Variants in U2AF2 observed in about 807,000 individuals in gnomAD.
U2AF2 encodes the protein splicing factor U2AF 65 kDa subunit.
A neutral mutation model predicts 52.6 loss-of-function variants in U2AF2; 6 were observed. That is an observed-to-expected ratio of 0.11 (90% CI 0.06 to 0.23). The LOEUF (loss-of-function observed/expected upper bound fraction) is 0.23, where lower values mean the gene tolerates loss of function less well. U2AF2 is among the 10% of genes least tolerant of loss of function. The pLI, the probability that U2AF2 is intolerant of heterozygous loss-of-function variation, is 1.00. For synonymous variants in U2AF2, 284 were observed against 258.2 expected (o/e 1.10, Z -0.96); for missense variants, 222 against 677.1 (o/e 0.33, Z 7.46).
In U2AF2 at chr19:55,669,800, C is replaced by A. The variant is rs114185454; in HGVS notation, c.1293+108C>A. The A allele has an allele frequency of 3.4e-3, 4,791 of 1,427,002 alleles. 89 individuals carry two copies. In the African/African-American group the frequency reaches 0.046, roughly 14 times the overall value. The allele number at this position is 1,427,002 out of a possible 1,614,324, so 88.4% of individuals were successfully genotyped here. A position where few individuals can be genotyped will look rare whatever the true frequency, so the allele number is the denominator to read the frequency against. ...CACCCTCTCCCCCTCCTCTTCTCCG[C>A]GCGCTCTTTCTTCCTCTCTCTCTCC... On this transcript the variant is annotated intron_variant, in intron 11 of 11. Coordinates refer to ENST00000308924, the MANE Select transcript of U2AF2 (RefSeq NM_007279.3).
chr19:55,667,824 T>A (rs1231193552), intron 7 of U2AF2, among the ~76,000 whole-genome samples: 1 of 151,592 alleles, frequency 6.6e-6, no homozygotes, highest in Non-Finnish European at 1.5e-5. Flanking sequence ...CTCACTCTGT[T>A]GCTCAGGCTG....
intron 6 of U2AF2, among the ~76,000 whole-genome samples, chr19:55,662,878 C>T (rs1042119212): frequency 1.3e-5 from 2 of 152,128 alleles, no homozygotes; most frequent in Non-Finnish European, 2.9e-5. Context: ...CCATTCCGGC[C>T]CAGTCCTCTC....
chr19:55,668,885 G>A lies in U2AF2; in HGVS notation c.945+93G>A, dbSNP rs933397385. ...GTCTCCCCTCCTCAGGGGACGGGGC[G>A]GGAGGCGGCCAACCTGAGGCAGTGC... On this transcript the variant is annotated intron_variant, in intron 9 of 11. Coordinates refer to ENST00000308924, the MANE Select transcript of U2AF2 (RefSeq NM_007279.3). The surrounding 1 kb of genome is among the most constrained non-coding windows in gnomAD (Gnocchi z 5.5). 6.5e-6 allele frequency: 10 copies of A among 1,544,860 alleles called. No homozygotes were observed. The highest frequency in any genetic ancestry group is 1.2e-5 in the South Asian group (1 of 82,238).
intron 1 of U2AF2, among the ~76,000 whole-genome samples, chr19:55,655,502 G>C (rs1568546557): frequency 1.3e-5 from 2 of 152,268 alleles, no homozygotes; most frequent in African/African-American, 4.8e-5. Context: ...CTGAAAAGGA[G>C]ATTATGTTAG....
intron 1 of U2AF2, among the ~76,000 whole-genome samples, chr19:55,658,698 G>C (rs1049933842): frequency 6.6e-6 from 1 of 152,168 alleles, no homozygotes; most frequent in African/African-American, 2.4e-5. Flanking sequence ...GCTTGGGAAG[G>C]GATGGGTTGA....
chr19:55,661,487 G>C (rs975614383), intron 5 of U2AF2, among the ~76,000 whole-genome samples: 1 of 136,726 alleles, frequency 7.3e-6, no homozygotes, highest in African/African-American at 2.7e-5. Flanking sequence ...GAGAGACAGA[G>C]AGGGAGACTT....
chr19:55,663,888 C>T, intron 7 of U2AF2, 144 bp downstream of exon 7: 2 of 1,239,492 alleles, frequency 1.6e-6, no homozygotes, highest in South Asian at 3.1e-5. Flanking sequence ...TCCCCTAAGT[C>T]TCTGTGAGTG....
chr19:55,660,498 C>CCCG lies in U2AF2; in HGVS notation c.231-16_231-15insGCC. 3 of 863,398 alleles carry CCCG rather than the reference C, an allele frequency of 3.5e-6. No homozygotes were observed. The highest frequency in any genetic ancestry group is 5.7e-6 in the Non-Finnish European group (3 of 522,678). The allele number at this position is 863,398 out of a possible 1,614,324, so 53.5% of individuals were successfully genotyped here. A position where few individuals can be genotyped will look rare whatever the true frequency, so the allele number is the denominator to read the frequency against. ...ACTGAGGTTGCCCTGCCCCGCTCTCCCCTCCCACCTCCCCCAGTCGTTCCC... is the reference window on the plus strand; with the variant it reads ...ACTGAGGTTGCCCTGCCCCGCTCTCCCCGCCTCCCACCTCCCCCAGTCGTTCCC... On this transcript the variant is annotated splice_polypyrimidine_tract_variant and intron_variant, in intron 3 of 11. Coordinates refer to ENST00000308924, the MANE Select transcript of U2AF2 (RefSeq NM_007279.3).
intron 7 of U2AF2, among the ~76,000 whole-genome samples, chr19:55,666,122 C>T (rs980515949): frequency 6.6e-6 from 1 of 152,194 alleles, no homozygotes; most frequent in African/African-American, 2.4e-5. Context: ...ATGGGGTGCT[C>T]TGGCAGGGGC....
chr19:55,663,977 C>T (rs997579310), intron 7 of U2AF2: 7 of 547,572 alleles, frequency 1.3e-5, no homozygotes, highest in African/African-American at 3.8e-5. Flanking sequence ...ACAGCTTGTA[C>T]GTGGCAGAGC....
At position 55,669,584 on chromosome 19, in the gene U2AF2, T is replaced by C. The variant is rs372725483; in HGVS notation, c.1185T>C (p.Tyr395=). ...AGGAGCTGCTGGACGACGAGGAGTATGAGGAGATCGTGGAGGACGTGCGGG... is the reference window on the plus strand; with the variant it reads ...AGGAGCTGCTGGACGACGAGGAGTACGAGGAGATCGTGGAGGACGTGCGGG... The part of the protein sequence containing the change: ...LPEELLDDEE[Y]EEIVEDVRDE... The change falls in exon 11 of 12, where the codon TAT becomes TAC. Residue 395 remains tyrosine, a synonymous_variant. Coordinates refer to ENST00000308924, the MANE Select transcript of U2AF2 (RefSeq NM_007279.3). 81 of 1,613,748 alleles carry C rather than the reference T, an allele frequency of 5.0e-5. No homozygotes were observed. The highest frequency in any genetic ancestry group is 6.8e-5 in the Non-Finnish European group (80 of 1,179,908).
intron 7 of U2AF2, among the ~76,000 whole-genome samples, chr19:55,664,504 G>C (rs552996578): frequency 6.6e-6 from 1 of 152,318 alleles, no homozygotes; most frequent in South Asian, 2.1e-4. Flanking sequence ...GGATTTGAGG[G>C]AGGGCTTGTC....
chr19:55,655,070 GA>G lies in U2AF2; in HGVS notation c.-32del. ...GCTGGAGCGGGCGGCAAGGCGAGGCGAAAGCTGCACAGGGCCCTACGCGGCC... is the reference window on the plus strand; with the variant it reads ...GCTGGAGCGGGCGGCAAGGCGAGGCGAAGCTGCACAGGGCCCTACGCGGCC... On this transcript the variant is annotated 5_prime_UTR_variant, in exon 1 of 12. Transcript: ENST00000308924. The G allele has an allele frequency of 6.2e-7, 1 of 1,605,708 alleles. No homozygotes were observed. Among genetic ancestry groups the G allele is most frequent in the East Asian group, 2.3e-5 (1 of 43,900 alleles).
Position 55,669,789 on chromosome 19 carries a change from CCTCTT to C in U2AF2, c.1293+101_1293+105del. The C allele has an allele frequency of 3.4e-6, 5 of 1,450,422 alleles. 1 individual carries two copies. The South Asian group carries it at 7.1e-5, about 20-fold the overall frequency. The allele number at this position is 1,450,422 out of a possible 1,614,324, so 89.8% of individuals were successfully genotyped here. ...TCTTGCTCCCTCACCCTCTCCCCCT[CCTCTT>C]CTCCGCGCGCTCTTTCTTCCTCTCT... On this transcript the variant is annotated intron_variant, in intron 11 of 11. Transcript: ENST00000308924.
chr19:55,669,464 T>C lies in U2AF2; in HGVS notation c.1065T>C (p.Pro355=). The change falls in exon 11 of 12, where the codon CCT becomes CCC. Residue 355 remains proline (P), a synonymous_variant. Transcript: ENST00000308924. ...VSPPSTINQT[P]VTLQVPGLMS... The stretch of plus-strand genomic sequence containing the variant: ...CACAGAGCACCATCAATCAGACGCC[T>C]GTGACCCTGCAAGTGCCGGGCTTGA... 1 of 1,611,282 alleles carries C rather than the reference T, an allele frequency of 6.2e-7. No homozygotes were observed. Among genetic ancestry groups the C allele is most frequent in the Non-Finnish European group, 8.5e-7 (1 of 1,178,196 alleles).
chr19:55,666,041 T>C (rs1017153333), intron 7 of U2AF2, among the ~76,000 whole-genome samples: 2 of 152,162 alleles, frequency 1.3e-5, no homozygotes, highest in African/African-American at 4.8e-5. Context: ...CCTTGGGGAA[T>C]AGGAACCGTG....
rs1179902212 is a variant in U2AF2, at chr19:55,668,027, C to T, written c.743-480C>T. 6.6e-6 allele frequency among the ~76,000 whole-genome samples: 1 copy of T among 152,076 alleles called. No individual in the cohort carries two copies. The highest frequency in any genetic ancestry group is 1.9e-4 in the East Asian group (1 of 5,182). Reference sequence around the variant, plus strand: ...CTTATCTCTTGACCTTGTGATCTGCCCGCCTTGGCCTCCCAAAGTGCTGAG... The same window carrying T: ...CTTATCTCTTGACCTTGTGATCTGCTCGCCTTGGCCTCCCAAAGTGCTGAG... On this transcript the variant is annotated intron_variant, in intron 7 of 11. Transcript: ENST00000308924. This position sits in a 1 kb window ranked among gnomAD's most constrained non-coding sequence, Gnocchi z 5.5.
Sources: allele counts gnomAD v4.1 joint callset (sites outside exome capture counted in the v4.1 genomes callset), GRCh38; gene constraint gnomAD v4.1.1; non-coding constraint Gnocchi (gnomAD v3.1); transcripts MANE v1.5; gene names NCBI Gene and HGNC (gene_info 2026-07-23, HGNC 2026-07-21).